CENPQ: variants seen among roughly 807,000 people sequenced by gnomAD.
CENPQ encodes the protein centromere protein Q.
A neutral mutation model predicts 36.6 loss-of-function variants in CENPQ; 27 were observed. The ratio of observed to expected loss-of-function variants is 0.74; its 90% CI spans 0.54 to 1.02. The LOEUF (loss-of-function observed/expected upper bound fraction) is 1.02. Ranked by LOEUF, CENPQ falls within the 50% of genes least tolerant of loss-of-function variation. The probability of loss-of-function intolerance (pLI) is 0.00; values close to 1 mark genes in which losing one functional copy is unlikely to be tolerated. For missense variants in CENPQ, 306 were observed against 301.8 expected, an observed-to-expected ratio of 1.01 and a Z score of -0.10; for synonymous variants, 101 against 101.7, an observed-to-expected ratio of 0.99 and a Z score of 0.04.
At chr6:49,484,112 A>G (rs1037844997) in intron 6 of CENPQ, among the ~76,000 whole-genome samples, 2 of 152,268 alleles carry the variant, frequency 1.3e-5, no homozygotes, top group East Asian at 1.9e-4. Context: ...GTGTATGGCA[A>G]GAAAACACAA....
At chr6:49,475,525 GC>G (rs2127425084) in intron 5 of CENPQ, among the ~76,000 whole-genome samples, 1 of 152,318 alleles carries the variant, frequency 6.6e-6, no homozygotes, top group African/African-American at 2.4e-5. Flanking sequence ...AGACAGGGAT[GC>G]CCTCTCTCAC....
At chr6:49,485,249 G>T (rs1768547155) in intron 6 of CENPQ, among the ~76,000 whole-genome samples, 1 of 152,160 alleles carries the variant, frequency 6.6e-6, no homozygotes, top group African/African-American at 2.4e-5. Context: ...TCCAAAACCT[G>T]TAATAGTAAC....
At chr6:49,476,183 G>C (rs1316588535) in intron 5 of CENPQ, among the ~76,000 whole-genome samples, 1 of 152,118 alleles carries the variant, frequency 6.6e-6, no homozygotes, top group Non-Finnish European at 1.5e-5. Context: ...ATATAAAAAG[G>C]CTATAGTAAA....
At chr6:49,470,078 G>A in intron 1 of CENPQ, 81 bp from the exon 2 acceptor site, 1 of 597,494 alleles carries the variant, frequency 1.7e-6, no homozygotes, top group Non-Finnish European at 2.8e-6. Flanking sequence ...TTACAGGATA[G>A]TTTTTTAAAC....
chr6:49,465,211 G>GAT (rs1438742120), intron 1 of CENPQ, among the ~76,000 whole-genome samples: 2 of 152,186 alleles, frequency 1.3e-5, no homozygotes, highest in Non-Finnish European at 2.9e-5. Flanking sequence ...ATTTTGAAAG[G>GAT]AATCTTTTTG....
At chr6:49,471,757 G>C (rs1172081387) in intron 3 of CENPQ, among the ~76,000 whole-genome samples, 5 of 152,052 alleles carry the variant, frequency 3.3e-5, no homozygotes, top group Non-Finnish European at 5.9e-5. Flanking sequence ...TCAATGAAAT[G>C]TTTAAAGAAT....
chr6:49,463,967 C>T (rs949160466), intron 1 of CENPQ, among the ~76,000 whole-genome samples: 2 of 152,150 alleles, frequency 1.3e-5, no homozygotes, highest in African/African-American at 2.4e-5. Flanking sequence ...TTAAAAGCCT[C>T]GCTGGATTAT....
chr6:49,492,148 A>G lies in CENPQ; in HGVS notation c.680A>G (p.Glu227Gly), dbSNP rs1292975552. The G allele has an allele frequency of 6.3e-7, 1 of 1,596,132 alleles. No individual in the cohort carries two copies. The highest frequency in any genetic ancestry group is 8.5e-7 in the Non-Finnish European group (1 of 1,174,860). Reference protein sequence around the residue: ...KTLKAPTLQKEILALIPNQNA... With the variant: ...KTLKAPTLQKGILALIPNQNA... ...TTAATACTATCTTTCCCACAGAAAG[A>G]AATTTTGGCGCTAATTCCAAACCAG... is the stretch of plus-strand genomic sequence containing the variant. Residue 227 changes from glutamate to glycine, a missense_variant, in exon 9 of 9, where the codon GAA (glutamate) becomes GGA (glycine). Glu to Gly is a moderately conservative substitution (Grantham distance 98). Transcript: ENST00000335783.
At chr6:49,489,819 T>A (rs1040281145) in intron 8 of CENPQ, among the ~76,000 whole-genome samples, 12 of 152,334 alleles carry the variant, frequency 7.9e-5, no homozygotes, top group African/African-American at 2.2e-4. Flanking sequence ...CAATGAGCAG[T>A]AATATTTTCA....
At chr6:49,486,633 CA>C (rs1389443795) in intron 6 of CENPQ, among the ~76,000 whole-genome samples, 1 of 152,040 alleles carries the variant, frequency 6.6e-6, no homozygotes, top group African/African-American at 2.4e-5. Flanking sequence ...AAAAAAACTC[CA>C]ATTTATGAGA....
chr6:49,482,184 G>A lies in CENPQ; in HGVS notation c.477+1104G>A, dbSNP rs566021722. Among the ~76,000 whole-genome samples, 21 of 152,268 alleles carry A rather than the reference G, an allele frequency of 1.4e-4. No individual in the cohort carries two copies. In the East Asian group the frequency reaches 2.5e-3, roughly 18 times the overall value. On this transcript the variant is annotated intron_variant, in intron 6 of 8. Transcript: ENST00000335783. Reference sequence around the variant, plus strand: ...GCCCGCAAGCACCGCGCGCAGCCCCGGTTCCCGCTCGCACCTCTCCCTCCA... The same window carrying A: ...GCCCGCAAGCACCGCGCGCAGCCCCAGTTCCCGCTCGCACCTCTCCCTCCA...
chr6:49,471,761 A>G (rs1768140667), intron 3 of CENPQ, among the ~76,000 whole-genome samples: 1 of 152,180 alleles, frequency 6.6e-6, no homozygotes, highest in South Asian at 2.1e-4. Flanking sequence ...TGAAATGTTT[A>G]AAGAATTTAG....
intron 6 of CENPQ, among the ~76,000 whole-genome samples, 159 bp from the exon 7 acceptor site, chr6:49,488,193 C>CT (rs1453515104): frequency 2.0e-5 from 3 of 152,076 alleles, no homozygotes; most frequent in Non-Finnish European, 2.9e-5. Context: ...CAAGAAGTCT[C>CT]TTTTTTGAAA....
chr6:49,472,033 G>A, intron 3 of CENPQ, 30 bp from the exon 4 acceptor site: 1 of 1,585,382 alleles, frequency 6.3e-7, no homozygotes, highest in Non-Finnish European at 8.6e-7. Context: ...CATCTAGATT[G>A]ATCAGAGCCT....
chr6:49,492,228 A>C lies in CENPQ; in HGVS notation c.760A>C (p.Met254Leu), dbSNP rs1768738643. ...ILHNSSQMKS[M>L]STFIEEAYKK... is the part of the protein sequence containing the mutation. The stretch of plus-strand genomic sequence containing the variant: ...TCATAATTCATCACAGATGAAGAGC[A>C]TGTCAACCTTCATTGAAGAAGCCTA... Residue 254 changes from methionine to leucine, a missense_variant, in exon 9 of 9, where the codon ATG becomes CTG. Physicochemically the swap from Met to Leu is conservative, Grantham distance 15. Coordinates refer to ENST00000335783, the MANE Select transcript of CENPQ (RefSeq NM_018132.4). The C allele has an allele frequency of 6.2e-7, 1 of 1,607,062 alleles. No homozygotes were observed. Among genetic ancestry groups the C allele is most frequent in the South Asian group, 1.1e-5 (1 of 89,048 alleles).
At chr6:49,491,802 C>T (rs1768727289) in intron 8 of CENPQ, among the ~76,000 whole-genome samples, 1 of 152,134 alleles carries the variant, frequency 6.6e-6, no homozygotes, top group Non-Finnish European at 1.5e-5. Flanking sequence ...GTAATCCCAG[C>T]TATTCGGGAG....
In CENPQ at chr6:49,480,104, A is replaced by AT. The variant is rs1013444638; in HGVS notation, c.348-838dup. ...TGTATTCCTGAATCTAAAATAAAAGATTTTTTTTTAATTAAGATTTTTAAC... is the reference window on the plus strand; with the variant it reads ...TGTATTCCTGAATCTAAAATAAAAGATTTTTTTTTTAATTAAGATTTTTAAC... On this transcript the variant is annotated intron_variant, in intron 5 of 8. Coordinates refer to ENST00000335783, the MANE Select transcript of CENPQ (RefSeq NM_018132.4). Among the ~76,000 whole-genome samples, 57 of 151,794 alleles carry AT rather than the reference A, an allele frequency of 3.8e-4. 1 individual carries two copies. Among genetic ancestry groups the AT allele is most frequent in the African/African-American group, 1.2e-3 (51 of 41,402 alleles).
chr6:49,466,937 C>G (rs1389372614), intron 1 of CENPQ, among the ~76,000 whole-genome samples: 1 of 152,152 alleles, frequency 6.6e-6, no homozygotes, highest in African/African-American at 2.4e-5. Context: ...TGGTAGTGTT[C>G]TCAACCTGGG....
At chr6:49,465,083 T>C (rs1015769500) in intron 1 of CENPQ, among the ~76,000 whole-genome samples, 3 of 152,230 alleles carry the variant, frequency 2.0e-5, no homozygotes, top group African/African-American at 7.2e-5. Context: ...AAATTATTCT[T>C]TGATTCATGG....
Sources: allele counts gnomAD v4.1 joint callset (sites outside exome capture counted in the v4.1 genomes callset), GRCh38; gene constraint gnomAD v4.1.1; transcripts MANE v1.5; gene names NCBI Gene and HGNC (gene_info 2026-07-23, HGNC 2026-07-21).